Variants in NAV1 observed in about 807,000 individuals in gnomAD.
NAV1 encodes neuron navigator 1.
In NAV1, 18 loss-of-function variants were observed where a neutral mutation model predicts 175.2. The ratio of observed to expected loss-of-function variants is 0.10; its 90% CI spans 0.07 to 0.15. The LOEUF is 0.15. Among genes scored for constraint, NAV1 ranks in the 10% least tolerant of loss-of-function variants. The probability of loss-of-function intolerance (pLI) is 1.00; values close to 1 mark genes in which losing one functional copy is unlikely to be tolerated. For missense variants in NAV1, 1,731 were observed against 2,436.6 expected (o/e 0.71, Z 6.10); for synonymous variants, 897 against 978.7 (o/e 0.92, Z 1.56).
At position 201,812,688 on chromosome 1, in the gene NAV1, G is replaced by A. The variant is rs1225888312; in HGVS notation, c.5221+27G>A. On this transcript the variant is annotated intron_variant, in intron 27 of 29. Coordinates refer to ENST00000367296, the Ensembl canonical transcript of NAV1. This position sits in a 1 kb window ranked among gnomAD's most constrained non-coding sequence, Gnocchi z 4.6. ...TACTGGGGTCCAGCTTCCCCCGGGG[G>A]TCAGGAGGTGGCTTCCCTTTTCCAC... 1 of 1,602,390 alleles carries A rather than the reference G, an allele frequency of 6.2e-7. No homozygotes were observed. The highest frequency in any genetic ancestry group is 8.5e-7 in the Non-Finnish European group (1 of 1,171,312).
At chr1:201,619,217 G>A (rs1292011950), upstream of NAV1, among the ~76,000 whole-genome samples, 1 of 152,272 alleles carries the variant, frequency 6.6e-6, no homozygotes, top group African/African-American at 2.4e-5. Context: ...CCATTAGCAA[G>A]CGAGGGAGAC....
intron 11 of NAV1, 126 bp from the exon 16 acceptor site, chr1:201,790,428 C>G (rs1463285218): frequency 1.2e-5 from 12 of 1,038,140 alleles, no homozygotes; most frequent in Non-Finnish European, 1.6e-5. Context: ...AGAGTTTCAG[C>G]CTCTCTGCAC....
intron 3 of NAV1, among the ~76,000 whole-genome samples, chr1:201,760,520 G>A (rs976796258): frequency 1.3e-5 from 2 of 152,118 alleles, no homozygotes; most frequent in Non-Finnish European, 2.9e-5. Flanking sequence ...TGGTGACCCT[G>A]CTTAGATTTG....
intron 22 of NAV1, 100 bp downstream of exon 26, chr1:201,809,637 G>A (rs776307792): frequency 3.1e-5 from 35 of 1,119,322 alleles, no homozygotes; most frequent in Non-Finnish European, 4.3e-5. Context: ...AGGCTGGAGG[G>A]CAGTGGCGTG....
intron 1 of NAV1, among the ~76,000 whole-genome samples, chr1:201,550,232 C>T (rs1327845518): frequency 6.6e-6 from 1 of 151,942 alleles, no homozygotes; most frequent in African/African-American, 2.4e-5. Context: ...AGTGCAGTGG[C>T]ACCAATGCAG....
intron 3 of NAV1, among the ~76,000 whole-genome samples, chr1:201,764,924 T>C (rs2102646903): frequency 6.6e-6 from 1 of 152,348 alleles, no homozygotes; most frequent in South Asian, 2.1e-4. Context: ...TTATTCTGAC[T>C]GAGTGGGGTT....
Position 201,626,781 on chromosome 1 carries a change from G to A in NAV1, c.-100-2623G>A, listed in dbSNP as rs539086992. On this transcript the variant is annotated intron_variant, in intron 1 of 29. Coordinates refer to the NAV1 transcript ENST00000367302. ...AACTATGGTTAATGGTATCAGGAGC[G>A]TAGGGTTACTGGTGTCACTACTGCA... 3.3e-5 allele frequency among the ~76,000 whole-genome samples: 5 copies of A among 152,342 alleles called. 1 individual carries two copies. In the South Asian group the frequency reaches 6.2e-4, roughly 19 times the overall value.
chr1:201,687,882 T>C lies in NAV1; in HGVS notation c.758-24935T>C, dbSNP rs111847350. On this transcript the variant is annotated intron_variant, in intron 1 of 29. Coordinates refer to ENST00000367296, the Ensembl canonical transcript of NAV1. The stretch of plus-strand genomic sequence containing the variant: ...CCCTCAGATGGGGGAAGATGGGGAA[T>C]CAAAGGTTCTCATTTTCCCTCCAAC... Among the ~76,000 whole-genome samples, 1,085 of 152,244 alleles carry C rather than the reference T, an allele frequency of 7.1e-3. 12 individuals are homozygous for C. The highest frequency in any genetic ancestry group is 0.025 in the African/African-American group (1,032 of 41,540).
rs540361217 is a variant in NAV1 at position 201,813,268 on chromosome 1, A to C, written c.5340+10A>C. 2 of 1,548,220 alleles carry C rather than the reference A, an allele frequency of 1.3e-6. No individual in the cohort carries two copies. The highest frequency in any genetic ancestry group is 3.4e-5 in the Admixed American group (2 of 59,036). On this transcript the variant is annotated intron_variant, in intron 28 of 29. Transcript: ENST00000367296. This position sits in a 1 kb window ranked among gnomAD's most constrained non-coding sequence, Gnocchi z 4.2. ...CAAGGATGGGATAAAGGTGAGCCCT[A>C]CCCCCTTCACTCAAACCCTAAGATC... is the stretch of plus-strand genomic sequence containing the variant.
chr1:201,719,915 C>T (rs1304534304), intron 3 of NAV1, among the ~76,000 whole-genome samples: 1 of 152,188 alleles, frequency 6.6e-6, no homozygotes, highest in African/African-American at 2.4e-5. Context: ...TGTTCCCCAC[C>T]CCCATCTCCA....
intron 24 of NAV1, 47 bp from the exon 29 acceptor site, chr1:201,811,556 C>T (rs1204013454): frequency 6.2e-7 from 1 of 1,611,556 alleles, no homozygotes; most frequent in Non-Finnish European, 8.5e-7. Context: ...AAGGCCGATC[C>T]AGCTGCTTAT....
In NAV1 at chr1:201,758,665, A is replaced by T. The variant is rs575294856; in HGVS notation, c.1227-21756A>T. On this transcript the variant is annotated intron_variant, in intron 3 of 29. Coordinates refer to ENST00000367296, the Ensembl canonical transcript of NAV1. The stretch of plus-strand genomic sequence containing the variant: ...TGCAAAGAGTCCCTAGAGATGCATA[A>T]GTGATCTTCACCCTCCAGTGGAACA... Among the ~76,000 whole-genome samples, 1,267 of 152,342 alleles carry T rather than the reference A, an allele frequency of 8.3e-3. 16 individuals carry two copies. The highest frequency in any genetic ancestry group is 0.029 in the African/African-American group (1,206 of 41,576).
intron 2 of NAV1, among the ~76,000 whole-genome samples, chr1:201,603,724 A>G (rs982892316): frequency 3.9e-5 from 6 of 152,174 alleles, no homozygotes; most frequent in Admixed American, 3.3e-4. Flanking sequence ...CTACCGGGTC[A>G]GTGAGGGAGA....
intron 3 of NAV1, among the ~76,000 whole-genome samples, chr1:201,746,897 G>A (rs1180502129): frequency 2.6e-5 from 4 of 151,944 alleles, no homozygotes; most frequent in Non-Finnish European, 4.4e-5. Context: ...CCAGCTACTC[G>A]GGAGGCTGAG....
At chr1:201,670,674 C>A (rs1252494443) in intron 1 of NAV1, among the ~76,000 whole-genome samples, 1 of 149,280 alleles carries the variant, frequency 6.7e-6, no homozygotes, top group African/African-American at 2.5e-5. Flanking sequence ...GTAATGCTTT[C>A]TTTGATGATG....
chr1:201,568,059 G>C (rs1241006864), intron 1 of NAV1, among the ~76,000 whole-genome samples: 1 of 152,182 alleles, frequency 6.6e-6, no homozygotes, highest in Non-Finnish European at 1.5e-5. Context: ...GACCACGTAA[G>C]CATAGGCTGC....
chr1:201,611,053 G>T (rs574841320), intron 2 of NAV1, among the ~76,000 whole-genome samples: 12 of 152,244 alleles, frequency 7.9e-5, no homozygotes, highest in African/African-American at 2.9e-4. Context: ...TGGGGATACT[G>T]AGCCCCACCC....
chr1:201,651,162 AGACT>A (rs1669191008), intron 1 of NAV1, among the ~76,000 whole-genome samples: 1 of 48,118 alleles, frequency 2.1e-5, no homozygotes. Flanking sequence ...TGTGTGTGTC[AGACT>A]GAGAGAGGGA....
intron 2 of NAV1, among the ~76,000 whole-genome samples, chr1:201,639,345 T>G (rs1668686776): frequency 6.6e-6 from 1 of 152,164 alleles, no homozygotes; most frequent in South Asian, 2.1e-4. Flanking sequence ...GATATGCTTC[T>G]CTGCAGGACA....
Sources: gnomAD v4.1 joint callset for allele counts (sites outside exome capture counted in the v4.1 genomes callset) on GRCh38, gnomAD v4.1.1 for gene constraint, Gnocchi (gnomAD v3.1) non-coding constraint, MANE v1.5 for transcripts, NCBI Gene and HGNC (gene_info 2026-07-23, HGNC 2026-07-21) for gene names.